Variants in ARHGAP42 observed in about 807,000 individuals in gnomAD.
The protein encoded by ARHGAP42 is rho GTPase-activating protein 42.
In ARHGAP42, 63 loss-of-function variants were observed where a neutral mutation model predicts 125.0. That is an observed-to-expected ratio of 0.50 (90% CI 0.41 to 0.62). The LOEUF is 0.62. Among genes scored for constraint, ARHGAP42 ranks in the 20% least tolerant of loss-of-function variants. ARHGAP42 has a pLI of 0.00. For missense variants in ARHGAP42, 766 were observed against 1,024.2 expected, an observed-to-expected ratio of 0.75 and a Z score of 3.44; for synonymous variants, 339 against 351.0, an observed-to-expected ratio of 0.97 and a Z score of 0.38.
intron 22 of ARHGAP42, among the ~76,000 whole-genome samples, chr11:100,980,095 T>C (rs1858493380): frequency 6.6e-6 from 1 of 152,154 alleles, no homozygotes; most frequent in Admixed American, 6.6e-5. Flanking sequence ...ATGTATTAGG[T>C]TTTTTTAACT....
chr11:100,914,797 G>A (rs892253340), intron 5 of ARHGAP42, among the ~76,000 whole-genome samples: 47 of 152,072 alleles, frequency 3.1e-4, no homozygotes, highest in African/African-American at 1.1e-3. Context: ...CTGGTCCTCA[G>A]CTCTCTTTAT....
At chr11:100,759,705 G>A (rs1038686091) in intron 1 of ARHGAP42, among the ~76,000 whole-genome samples, 5 of 152,122 alleles carry the variant, frequency 3.3e-5, no homozygotes, top group South Asian at 2.1e-4. Context: ...GTACCCTCTC[G>A]GTAGTCTGGG....
intron 16 of ARHGAP42, among the ~76,000 whole-genome samples, chr11:100,964,312 C>G (rs1399163974): frequency 6.6e-6 from 1 of 152,156 alleles, no homozygotes; most frequent in Admixed American, 6.6e-5. Context: ...TCTTTGTTCT[C>G]TACTGTATTT....
intron 23 of ARHGAP42, 66 bp downstream of exon 23, chr11:100,987,658 G>A (rs1858716229): frequency 7.0e-7 from 1 of 1,426,484 alleles, no homozygotes; most frequent in Non-Finnish European, 9.7e-7. Context: ...TAGTATGGTG[G>A]TATGAGTCTA....
chr11:100,981,414 C>A (rs1433523623), intron 22 of ARHGAP42, among the ~76,000 whole-genome samples: 2 of 150,938 alleles, frequency 1.3e-5, no homozygotes, highest in African/African-American at 4.9e-5. Flanking sequence ...TTTCCCTGAC[C>A]TTCTACAATG....
intron 15 of ARHGAP42, among the ~76,000 whole-genome samples, chr11:100,962,052 A>T (rs908618784): frequency 6.6e-6 from 1 of 152,218 alleles, no homozygotes; most frequent in Non-Finnish European, 1.5e-5. Flanking sequence ...TTTTTAAATA[A>T]CAAATTGGAA....
In ARHGAP42 at chr11:100,779,456, A is replaced by T. The variant is rs1565210409; in HGVS notation, c.250+9018A>T. On this transcript the variant is annotated intron_variant, in intron 2 of 23. Coordinates refer to ENST00000298815, the MANE Select transcript of ARHGAP42 (RefSeq NM_152432.4). ...GCGAGACTGCGTCTCAAAAAAAAAA[A>T]AAAAAAAAAAAATATATATATATAT... Among the ~76,000 whole-genome samples the T allele has an allele frequency of 1.4e-3, 131 of 93,702 alleles. 8 individuals are homozygous for T. The highest frequency in any genetic ancestry group is 1.0e-3 in the Non-Finnish European group (46 of 44,686). The allele number at this position is 93,702 out of a possible 152,430, so 61.5% of individuals were successfully genotyped here.
At chr11:100,927,408 G>A (rs1327723729) in intron 6 of ARHGAP42, among the ~76,000 whole-genome samples, 1 of 152,072 alleles carries the variant, frequency 6.6e-6, no homozygotes, top group Admixed American at 6.5e-5. Flanking sequence ...TAAAATCTAA[G>A]GGCATTCATT....
At chr11:100,688,005 T>A in intron 1 of ARHGAP42, 173 bp downstream of exon 1, 1 of 639,166 alleles carries the variant, frequency 1.6e-6, no homozygotes, top group Non-Finnish European at 2.5e-6. Flanking sequence ...GAGGTGTTCT[T>A]TACTTACTCA....
intron 1 of ARHGAP42, among the ~76,000 whole-genome samples, chr11:100,704,594 T>C (rs895481709): frequency 6.6e-6 from 1 of 152,012 alleles, no homozygotes; most frequent in Admixed American, 6.6e-5. Context: ...TGTTTTGTGA[T>C]ATCCACCGGT....
At position 100,989,241 on chromosome 11, in the gene ARHGAP42, G is replaced by T. The variant is rs76534561; in HGVS notation, c.*440G>T. The stretch of plus-strand genomic sequence containing the variant: ...ATGTAATTTAAATTGTTCATTTATT[G>T]TTTTTTTTTTCTTAGAAATATACTG... On this transcript the variant is annotated 3_prime_UTR_variant, in exon 24 of 24. Coordinates refer to ENST00000298815, the MANE Select transcript of ARHGAP42 (RefSeq NM_152432.4). 16,350 of 362,150 alleles carry T rather than the reference G, an allele frequency of 0.045. 303 individuals are homozygous for T. The highest frequency in any genetic ancestry group is 0.097 in the Middle Eastern group (138 of 1,420). The allele number at this position is 362,150 out of a possible 1,614,324, so 22.4% of individuals were successfully genotyped here. A position where few individuals can be genotyped will look rare whatever the true frequency, so the allele number is the denominator to read the frequency against.
chr11:100,690,843 G>A (rs951053889), intron 1 of ARHGAP42, among the ~76,000 whole-genome samples: 3 of 151,938 alleles, frequency 2.0e-5, no homozygotes, highest in Admixed American at 2.0e-4. Context: ...CTCGTGATCT[G>A]CCCGCCTCAG....
rs1400963653 is a variant in ARHGAP42 at position 100,921,235 on chromosome 11, ATATATATATATTTTTTTTTTT to A, written c.487-257_487-237del. The stretch of plus-strand genomic sequence containing the variant: ...TATACATATATATATATATATATAT[ATATATATATATTTTTTTTTTT>A]TTTTTTTTTTTTTTTTTACTGCAAT... On this transcript the variant is annotated intron_variant, in intron 5 of 23. Transcript: ENST00000298815. Among the ~76,000 whole-genome samples the A allele has an allele frequency of 7.8e-3, 262 of 33,604 alleles. 1 individual carries two copies. The highest frequency in any genetic ancestry group is 0.026 in the South Asian group (13 of 494). 22.0% of individuals were successfully genotyped at this position (33,604 alleles called of 152,430 possible). A position where few individuals can be genotyped will look rare whatever the true frequency, so the allele number is the denominator to read the frequency against.
At chr11:100,830,767 T>C (rs1277787969) in intron 3 of ARHGAP42, among the ~76,000 whole-genome samples, 2 of 152,176 alleles carry the variant, frequency 1.3e-5, no homozygotes, top group Non-Finnish European at 2.9e-5. Context: ...TGAGCCGTCA[T>C]CTGGCATTGT....
At chr11:100,780,254 A>G (rs994996099) in intron 2 of ARHGAP42, among the ~76,000 whole-genome samples, 11 of 152,112 alleles carry the variant, frequency 7.2e-5, no homozygotes, top group Non-Finnish European at 1.2e-4. Flanking sequence ...CATGACTTTA[A>G]AAAAGGCTTA....
At chr11:100,950,669 T>C (rs1379371633) in intron 12 of ARHGAP42, among the ~76,000 whole-genome samples, 2 of 152,072 alleles carry the variant, frequency 1.3e-5, no homozygotes, top group African/African-American at 2.4e-5. Flanking sequence ...CTATCTTTTA[T>C]CTGTGGTTAG....
chr11:100,907,218 T>C (rs981240034), intron 4 of ARHGAP42, among the ~76,000 whole-genome samples: 1 of 152,244 alleles, frequency 6.6e-6, no homozygotes, highest in African/African-American at 2.4e-5. Flanking sequence ...AATTTGTTTG[T>C]CTCCAATAAT....
At chr11:100,859,520 G>A (rs1251536306) in intron 3 of ARHGAP42, 34 bp from the exon 4 acceptor site, 2 of 1,499,514 alleles carry the variant, frequency 1.3e-6, no homozygotes, top group South Asian at 1.3e-5. Context: ...ATGAAATTAT[G>A]CAAGATTTAA....
chr11:100,816,980 G>A (rs1416240431), intron 3 of ARHGAP42: 1 of 152,224 alleles, frequency 6.6e-6, no homozygotes, highest in African/African-American at 2.4e-5. Flanking sequence ...ATAACCATTA[G>A]AAGCCACTGG....
Sources: allele counts gnomAD v4.1 joint callset (sites outside exome capture counted in the v4.1 genomes callset), GRCh38; gene constraint gnomAD v4.1.1; transcripts MANE v1.5; gene names NCBI Gene and HGNC (gene_info 2026-07-23, HGNC 2026-07-21).